The following CLSPN variants were observed in gnomAD, a reference collection of about 807,000 sequenced individuals.
The protein encoded by CLSPN is claspin, also known as claspin homolog.
CLSPN carries 85 observed loss-of-function variants against 156.3 expected under a neutral mutation model. The observed-to-expected ratio is 0.54, with a 90% CI of 0.46 to 0.65. CLSPN has a LOEUF of 0.65. Ranked by LOEUF, CLSPN falls within the 30% of genes least tolerant of loss-of-function variation. The pLI is 0.00. For synonymous variants in CLSPN, 534 were observed against 542.4 expected (o/e 0.98, Z 0.22); for missense variants, 1,407 against 1,554.9 (o/e 0.90, Z 1.60).
At chr1:35,765,419 T>C (rs1275881307) in intron 1 of CLSPN, 93 bp from the exon 2 acceptor site, 4 of 787,330 alleles carry the variant, frequency 5.1e-6, no homozygotes, top group Non-Finnish European at 8.5e-6. Flanking sequence ...ATCATCAACC[T>C]GAACTAAGGA....
chr1:35,765,367 C>T lies in CLSPN; in HGVS notation c.25-41G>A, dbSNP rs1328782666. The T allele has an allele frequency of 5.1e-6, 7 of 1,371,308 alleles. 1 individual carries two copies. Among genetic ancestry groups the T allele is most frequent in the Middle Eastern group, 1.8e-4 (1 of 5,606 alleles). The allele number at this position is 1,371,308 out of a possible 1,614,324, so 84.9% of individuals were successfully genotyped here. ...ATACTTTATATCAACCAGCAGGTGA[C>T]CGAAAGCTCCAAGTACATAATGACA... On this transcript the variant is annotated intron_variant, in intron 1 of 24. Coordinates refer to ENST00000318121, the MANE Select transcript of CLSPN (RefSeq NM_022111.4).
Position 35,724,792 on chromosome 1 carries a change from TC to T in CLSPN, c.3910-3813del, listed in dbSNP as rs537427417. Among the ~76,000 whole-genome samples the T allele has an allele frequency of 1.2e-3, 184 of 152,292 alleles. 2 individuals carry two copies. Among genetic ancestry groups the T allele is most frequent in the Admixed American group, 0.01 (154 of 15,286 alleles). ...TAAGGCAGATTGGAACGAACATTAT[TC>T]CCCAGAATTGGTTCATCTTGGGAAA... On this transcript the variant is annotated intron_variant, in intron 24 of 24. Coordinates refer to the CLSPN transcript ENST00000251195.
rs571863443 is a variant in CLSPN, at chr1:35,736,180, T to C, written c.*316A>G. ...TTGTGGTGAGCCGAGATCACGCCAC[T>C]GCACTCCAAGCTGGGCAACAGAGTG... On this transcript the variant is annotated 3_prime_UTR_variant, in exon 25 of 25. Coordinates refer to ENST00000318121, the MANE Select transcript of CLSPN (RefSeq NM_022111.4). 6.7e-6 allele frequency: 6 copies of C among 894,946 alleles called. No individual in the cohort carries two copies. In the African/African-American group the frequency reaches 1.1e-4, roughly 16 times the overall value. The allele number at this position is 894,946 out of a possible 1,614,324, so 55.4% of individuals were successfully genotyped here. A position where few individuals can be genotyped will look rare whatever the true frequency, so the allele number is the denominator to read the frequency against.
At chr1:35,740,917 AT>A (rs1396301289) in intron 18 of CLSPN, among the ~76,000 whole-genome samples, 3 of 152,194 alleles carry the variant, frequency 2.0e-5, no homozygotes, top group Non-Finnish European at 2.9e-5. Flanking sequence ...AGAAAAATCT[AT>A]GGATAACCTA....
Position 35,734,319 on chromosome 1 carries a change from C to T in CLSPN, c.*2177G>A. ...TTAAAACATCTTTATACACATTTTC[C>T]CCATTATAAGATTACAAGTATACAA... On this transcript the variant is annotated 3_prime_UTR_variant, in exon 25 of 25. Transcript: ENST00000318121. The T allele has an allele frequency of 1.0e-6, 1 of 984,710 alleles. No individual in the cohort carries two copies. Among genetic ancestry groups the T allele is most frequent in the Non-Finnish European group, 1.2e-6 (1 of 829,362 alleles). The allele number at this position is 984,710 out of a possible 1,614,324, so 61.0% of individuals were successfully genotyped here.
intron 24 of CLSPN, 128 bp downstream of exon 24, chr1:35,736,786 C>A: frequency 5.3e-6 from 7 of 1,321,592 alleles, no homozygotes; most frequent in Non-Finnish European, 6.2e-6. Flanking sequence ...TTCTCTTGTA[C>A]CTTATCGGGG....
At chr1:35,762,336 TC>T (rs1248531180) in intron 5 of CLSPN, 67 bp downstream of exon 5, 1 of 1,308,920 alleles carries the variant, frequency 7.6e-7, no homozygotes, top group Non-Finnish European at 1.1e-6. Context: ...AAAATATTTA[TC>T]CCTAAGAAAT....
chr1:35,728,921 A>AACACACACACACACACACAC (rs58348673), downstream of CLSPN, among the ~76,000 whole-genome samples: 3 of 85,138 alleles, frequency 3.5e-5, no homozygotes, highest in Admixed American at 2.8e-4. Flanking sequence ...CCTCCCCTCA[A>AACACACACACACACACACAC]ACACACACAC....
rs1485922574 is a variant in CLSPN, at chr1:35,751,353, G to A, written c.1925C>T (p.Ser642Phe). The change falls in exon 10 of 25, where the codon TCT becomes TTT. Residue 642 changes from serine to phenylalanine, a missense_variant. By Grantham distance (155) the Ser-to-Phe change is radical. Transcript: ENST00000318121. ...EEEEEEMTDESEEDGEEKVEK... is the reference protein window; with the variant it reads ...EEEEEEMTDEFEEDGEEKVEK... ...TACCTTCTCTTCTCCATCTTCCTCA[G>A]ACTCATCTGTCATTTCTTCCTCTTC... is the stretch of plus-strand genomic sequence containing the variant. 1.3e-6 allele frequency: 2 copies of A among 1,598,448 alleles called. No individual in the cohort carries two copies. Among genetic ancestry groups the A allele is most frequent in the African/African-American group, 2.7e-5 (2 of 74,170 alleles).
intron 24 of CLSPN, among the ~76,000 whole-genome samples, chr1:35,724,194 C>A (rs1461744715): frequency 6.6e-6 from 1 of 152,196 alleles, no homozygotes; most frequent in Non-Finnish European, 1.5e-5. Context: ...CCACCTTGGC[C>A]TCCCAACATT....
intron 10 of CLSPN, among the ~76,000 whole-genome samples, chr1:35,750,871 G>A (rs1016443005): frequency 6.6e-6 from 1 of 151,912 alleles, no homozygotes; most frequent in Non-Finnish European, 1.5e-5. Context: ...CCTCAATCTA[G>A]CCAAGGTTAG....
chr1:35,760,501 G>A lies in CLSPN; in HGVS notation c.1420C>T (p.Pro474Ser). Residue 474 changes from proline (P) to serine (S), a missense_variant, in exon 8 of 25, where the codon CCT becomes TCT. Transcript: ENST00000318121. ...PEETDEKVEE[P>S]EQQNKSSAVG... Reference sequence around the variant, plus strand: ...GCTGATGATTTATTTTGCTGCTCAGGCTCTTCCACTTTCTCATCTGTTTCT... The same window carrying A: ...GCTGATGATTTATTTTGCTGCTCAGACTCTTCCACTTTCTCATCTGTTTCT... 2 of 1,614,142 alleles carry A rather than the reference G, an allele frequency of 1.2e-6. No individual in the cohort carries two copies. Among genetic ancestry groups the A allele is most frequent in the Non-Finnish European group, 1.7e-6 (2 of 1,180,026 alleles).
In CLSPN at chr1:35,746,636, G is replaced by A. The variant is rs568401295; in HGVS notation, c.2854+130C>T. ...TGGTCTCAAACTTCTGAGCTCAAGC[G>A]ATCCATCCAACTTAGCCTCCCAAAG... On this transcript the variant is annotated intron_variant, in intron 15 of 24. Transcript: ENST00000318121. The surrounding 1 kb of genome is among the most constrained non-coding windows in gnomAD (Gnocchi z 4.2). The A allele has an allele frequency of 5.6e-5, 36 of 637,752 alleles. 1 individual carries two copies. Among genetic ancestry groups the A allele is most frequent in the East Asian group, 2.2e-4 (8 of 36,622 alleles). 39.5% of individuals were successfully genotyped at this position (637,752 alleles called of 1,614,324 possible). A position where few individuals can be genotyped will look rare whatever the true frequency, so the allele number is the denominator to read the frequency against.
intron 8 of CLSPN, among the ~76,000 whole-genome samples, chr1:35,754,171 C>G (rs1642195653): frequency 6.6e-6 from 1 of 152,138 alleles, no homozygotes; most frequent in Non-Finnish European, 1.5e-5. Context: ...TTTAAAAAAT[C>G]AGACAGAAAT....
At chr1:35,747,043 C>T in intron 14 of CLSPN, 51 bp from the exon 15 acceptor site, 1 of 1,432,270 alleles carries the variant, frequency 7.0e-7, no homozygotes, top group Non-Finnish European at 9.8e-7. Flanking sequence ...TCAGAGAGGG[C>T]CGGGTGCGGT....
chr1:35,723,812 G>A lies in CLSPN; in HGVS notation c.3910-2832C>T, dbSNP rs145578201. Among the ~76,000 whole-genome samples the A allele has an allele frequency of 3.5e-4, 53 of 152,288 alleles. No individual in the cohort carries two copies. The Middle Eastern group carries it at 0.017, about 49-fold the overall frequency. On this transcript the variant is annotated intron_variant, in intron 24 of 24. Transcript: ENST00000251195. Reference sequence around the variant, plus strand: ...TTGAGACCAGCCTGATCAACATGGTGAAACCCCGTCTCTACTAAAAATACA... The same window carrying A: ...TTGAGACCAGCCTGATCAACATGGTAAAACCCCGTCTCTACTAAAAATACA...
At chr1:35,744,053 T>C (rs776516452) in intron 16 of CLSPN, among the ~76,000 whole-genome samples, 2 of 152,260 alleles carry the variant, frequency 1.3e-5, no homozygotes, top group Non-Finnish European at 2.9e-5. Flanking sequence ...AGTTCTGTAG[T>C]GTTAAGTACA....
In CLSPN at chr1:35,753,767, A is replaced by T. The variant is rs745594272; in HGVS notation, c.1749T>A (p.Asp583Glu). The T allele has an allele frequency of 6.2e-7, 1 of 1,614,206 alleles. No homozygotes were observed. The highest frequency in any genetic ancestry group is 1.1e-5 in the South Asian group (1 of 91,078). ...VPVTLAPKKL[D>E]GASHTKPGEK... ...TACCTGGTTTTGTGTGGCTTGCTCC[A>T]TCCAACTTCTTAGGTGCTAAAGTCA... The change falls in exon 9 of 25, where the codon GAT becomes GAA. Residue 583 changes from aspartate (D) to glutamate (E), a missense_variant. This residue lies in a region of CLSPN where 1,096 missense variants were observed against 1,193.0 expected (regional missense o/e 0.92). Coordinates refer to ENST00000318121, the MANE Select transcript of CLSPN (RefSeq NM_022111.4).
At chr1:35,763,625 C>T (rs936951915) in intron 3 of CLSPN, among the ~76,000 whole-genome samples, 2 of 152,148 alleles carry the variant, frequency 1.3e-5, no homozygotes, top group East Asian at 1.9e-4. Flanking sequence ...AACAAGACTA[C>T]TGACTGATAG....
Sources: gnomAD v4.1 joint callset for allele counts (sites outside exome capture counted in the v4.1 genomes callset) on GRCh38, gnomAD v4.1.1 for gene constraint, gnomAD v4.1.1 regional missense constraint, Gnocchi (gnomAD v3.1) non-coding constraint, MANE v1.5 for transcripts, NCBI Gene and HGNC (gene_info 2026-07-23, HGNC 2026-07-21) for gene names.